The following ALK variants were observed in gnomAD, a reference collection of about 807,000 sequenced individuals.
ALK encodes the protein ALK tyrosine kinase receptor.
In ALK, 74 loss-of-function variants were observed where a neutral mutation model predicts 163.1. The observed-to-expected ratio is 0.45, with a 90% CI of 0.38 to 0.55. The LOEUF (loss-of-function observed/expected upper bound fraction) is 0.55. Among genes scored for constraint, ALK ranks in the 20% least tolerant of loss-of-function variants. The probability of loss-of-function intolerance (pLI) is 0.00; values close to 1 mark genes in which losing one functional copy is unlikely to be tolerated. For missense variants in ALK, 2,063 were observed against 2,105.3 expected (o/e 0.98, Z 0.39); for synonymous variants, 960 against 843.2 (o/e 1.14, Z -2.40).
At chr2:29,915,170 T>C (rs1667801781) in intron 1 of ALK, among the ~76,000 whole-genome samples, 1 of 152,160 alleles carries the variant, frequency 6.6e-6, no homozygotes, top group Non-Finnish European at 1.5e-5. Flanking sequence ...CACTGAGACT[T>C]CTGCTGATCA....
rs531005084 is a variant in ALK, at chr2:29,882,063, T to C, written c.667+37930A>G. ...ACAGTCCCCCCACCCAATTCCTCCA[T>C]CTGCAAACAGGGACTCCGTCTGAGG... is the stretch of plus-strand genomic sequence containing the variant. On this transcript the variant is annotated intron_variant, in intron 1 of 28. Coordinates refer to ENST00000389048, the MANE Select transcript of ALK (RefSeq NM_004304.5). Among the ~76,000 whole-genome samples, 5 of 152,234 alleles carry C rather than the reference T, an allele frequency of 3.3e-5. No individual in the cohort carries two copies. The South Asian group carries it at 6.2e-4, about 19-fold the overall frequency.
At chr2:29,783,746 C>A (rs1270948047) in intron 1 of ALK, among the ~76,000 whole-genome samples, 2 of 152,120 alleles carry the variant, frequency 1.3e-5, no homozygotes, top group East Asian at 3.9e-4. Flanking sequence ...AAACACTACC[C>A]TTTAGGGAGA....
At chr2:29,821,651 C>G (rs1048572356) in intron 1 of ALK, among the ~76,000 whole-genome samples, 6 of 152,126 alleles carry the variant, frequency 3.9e-5, no homozygotes, top group African/African-American at 7.2e-5. Flanking sequence ...CTGGGGCACT[C>G]GATTGCTCCA....
intron 3 of ALK, among the ~76,000 whole-genome samples, chr2:29,664,599 G>T (rs951482581): frequency 2.0e-5 from 3 of 152,086 alleles, no homozygotes; most frequent in African/African-American, 7.2e-5. Flanking sequence ...TCTATTGTCT[G>T]CCCAATAAAG....
intron 4 of ALK, among the ~76,000 whole-genome samples, chr2:29,450,422 GC>G (rs1558329579): frequency 6.6e-6 from 1 of 152,198 alleles, no homozygotes; most frequent in Admixed American, 6.5e-5. Flanking sequence ...ACAGGGCTGA[GC>G]CCTGTAGGGT....
intron 4 of ALK, among the ~76,000 whole-genome samples, chr2:29,498,346 G>A (rs1672084000): frequency 6.7e-6 from 1 of 149,904 alleles, no homozygotes; most frequent in African/African-American, 2.5e-5. Context: ...ATGCAAAAAT[G>A]AAACAATAAA....
chr2:29,627,006 T>C (rs1290149068), intron 3 of ALK, among the ~76,000 whole-genome samples: 1 of 152,036 alleles, frequency 6.6e-6, no homozygotes, highest in Non-Finnish European at 1.5e-5. Context: ...CACTAGTTAT[T>C]AGACTTGCTT....
At chr2:29,422,261 G>A (rs1338386881) in intron 4 of ALK, among the ~76,000 whole-genome samples, 3 of 148,044 alleles carry the variant, frequency 2.0e-5, no homozygotes, top group Admixed American at 1.3e-4. Context: ...GCAAAATCAA[G>A]TGAGTTCCAG....
intron 9 of ALK, among the ~76,000 whole-genome samples, chr2:29,296,387 G>A (rs374927743): frequency 6.6e-6 from 1 of 152,178 alleles, no homozygotes; most frequent in Non-Finnish European, 1.5e-5. Flanking sequence ...CAACTTGCTG[G>A]CACTTCACCG....
chr2:29,284,304 T>A (rs1351354867), intron 9 of ALK, among the ~76,000 whole-genome samples: 1 of 151,944 alleles, frequency 6.6e-6, no homozygotes, highest in African/African-American at 2.4e-5. Context: ...TGAGCATTGA[T>A]GAGGTTCCTG....
rs1298233277 is a variant in ALK, at chr2:29,920,186, G to A, written c.474C>T (p.Pro158=). The change falls in exon 1 of 29, where the codon CCC becomes CCT. Residue 158 remains proline, a synonymous_variant. Transcript: ENST00000389048. ...EAILEGCVGP[P]GEAAVGLLQF... is the part of the protein sequence containing the mutation. Reference sequence around the variant, plus strand: ...GGAGCAGCCCCACAGCCGCCTCCCCGGGGGGCCCGACGCAACCCTCCAAGA... The same window carrying A: ...GGAGCAGCCCCACAGCCGCCTCCCCAGGGGGCCCGACGCAACCCTCCAAGA... 6 of 1,613,242 alleles carry A rather than the reference G, an allele frequency of 3.7e-6. No individual in the cohort carries two copies. Among genetic ancestry groups the A allele is most frequent in the African/African-American group, 1.3e-5 (1 of 74,938 alleles).
chr2:29,694,086 T>C (rs1678482334), intron 3 of ALK, among the ~76,000 whole-genome samples: 1 of 152,216 alleles, frequency 6.6e-6, no homozygotes, highest in Non-Finnish European at 1.5e-5. Context: ...TCCAAGACAT[T>C]GGGAGTCCCA....
chr2:29,826,697 T>G (rs1163347111), intron 1 of ALK, among the ~76,000 whole-genome samples: 2 of 152,248 alleles, frequency 1.3e-5, no homozygotes, highest in Non-Finnish European at 2.9e-5. Context: ...CTGCCTGCCC[T>G]CCATGATTAA....
intron 1 of ALK, among the ~76,000 whole-genome samples, chr2:29,834,406 T>C (rs762316337): frequency 2.0e-5 from 3 of 152,154 alleles, no homozygotes; most frequent in African/African-American, 4.8e-5. Context: ...GTTATTTTGG[T>C]ATATGAGTTG....
At chr2:29,237,770 T>G (rs75454228) in intron 13 of ALK, among the ~76,000 whole-genome samples, 15,762 of 152,212 alleles carry the variant, frequency 0.1, 1,065 homozygotes, top group Non-Finnish European at 0.14. Flanking sequence ...AGACTTGGCT[T>G]CCTAGGGGAC....
At chr2:29,397,306 G>C (rs7594685) in intron 4 of ALK, among the ~76,000 whole-genome samples, 4,765 of 152,188 alleles carry the variant, frequency 0.031, 258 homozygotes, top group African/African-American at 0.11. Flanking sequence ...TGAAGGCAGG[G>C]ATTAGGGTGA....
intron 5 of ALK, among the ~76,000 whole-genome samples, chr2:29,338,150 C>A (rs1369746626): frequency 6.6e-6 from 1 of 152,154 alleles, no homozygotes; most frequent in Non-Finnish European, 1.5e-5. Flanking sequence ...CAGAGAGAAC[C>A]TTTGGGTGTC....
chr2:29,745,025 G>A (rs937361968), intron 1 of ALK, among the ~76,000 whole-genome samples: 12 of 152,132 alleles, frequency 7.9e-5, no homozygotes, highest in African/African-American at 2.7e-4. Flanking sequence ...TGCCAAAGAT[G>A]TCTTTTTCTA....
rs1172214438 is a variant in ALK at position 29,275,095 on chromosome 2, T to C, written c.2041+4A>G. The C allele has an allele frequency of 1.2e-6, 2 of 1,613,956 alleles. No homozygotes were observed. The highest frequency in any genetic ancestry group is 1.7e-6 in the Non-Finnish European group (2 of 1,180,028). On this transcript the variant is annotated splice_donor_region_variant and intron_variant, in intron 11 of 28. Coordinates refer to ENST00000389048, the MANE Select transcript of ALK (RefSeq NM_004304.5). ...GTGCTCACATTTGTGAGCTGAACCC[T>C]TACCTGTAGGGTCAAAGATGGGGGT...
Sources: allele counts gnomAD v4.1 joint callset (sites outside exome capture counted in the v4.1 genomes callset), GRCh38; gene constraint gnomAD v4.1.1; transcripts MANE v1.5; gene names NCBI Gene and HGNC (gene_info 2026-07-23, HGNC 2026-07-21).